PACS2: variants seen among roughly 807,000 people sequenced by gnomAD.
PACS2 encodes phosphofurin acidic cluster sorting protein 2.
A neutral mutation model predicts 113.0 loss-of-function variants in PACS2; 36 were observed. The ratio of observed to expected loss-of-function variants is 0.32; its 90% CI spans 0.24 to 0.42. The LOEUF is 0.42. Ranked by LOEUF, PACS2 falls within the 10% of genes least tolerant of loss-of-function variation. The probability of loss-of-function intolerance (pLI) is 1.00; values close to 1 mark genes in which losing one functional copy is unlikely to be tolerated. For missense variants in PACS2, 1,015 were observed against 1,239.5 expected (o/e 0.82, Z 2.72); for synonymous variants, 589 against 536.1 (o/e 1.10, Z -1.36).
chr14:105,385,190 G>T (rs117874407), intron 18 of PACS2, among the ~76,000 whole-genome samples: 1 of 152,174 alleles, frequency 6.6e-6, no homozygotes, highest in Admixed American at 6.5e-5. Context: ...CATAGTAAGC[G>T]CCATTTCCGC....
At chr14:105,336,039 A>C (rs889023954) in intron 1 of PACS2, among the ~76,000 whole-genome samples, 5 of 152,198 alleles carry the variant, frequency 3.3e-5, no homozygotes, top group Non-Finnish European at 2.9e-5. Context: ...CAGGGGCAGC[A>C]GGGCACGGAG....
intron 1 of PACS2, among the ~76,000 whole-genome samples, chr14:105,332,692 G>C (rs1295354220): frequency 6.6e-6 from 1 of 152,176 alleles, no homozygotes; most frequent in Non-Finnish European, 1.5e-5. Context: ...CCTCTCGTGG[G>C]CGGTCCAAGA....
At chr14:105,359,224 C>A (rs2060575614) in intron 4 of PACS2, among the ~76,000 whole-genome samples, 1 of 152,238 alleles carries the variant, frequency 6.6e-6, no homozygotes, top group South Asian at 2.1e-4. Flanking sequence ...CCACCTCCAG[C>A]CCCGCAGGCT....
intron 1 of PACS2, among the ~76,000 whole-genome samples, chr14:105,347,212 G>A (rs1184917136): frequency 2.7e-5 from 4 of 150,884 alleles, no homozygotes; most frequent in Non-Finnish European, 5.9e-5. Context: ...GGTCTCTGTG[G>A]TCTCCATTTT....
At chr14:105,353,743 G>T (rs587667801) in intron 3 of PACS2, among the ~76,000 whole-genome samples, 3 of 151,952 alleles carry the variant, frequency 2.0e-5, no homozygotes. Flanking sequence ...ACAGGCATGT[G>T]CCACCACGCC....
Position 105,384,897 on chromosome 14 carries a change from TTG to T in PACS2, c.1914_1915del (p.Ser639ThrfsTer35). The T allele has an allele frequency of 6.3e-7, 1 of 1,588,968 alleles. No individual in the cohort carries two copies. Among genetic ancestry groups the T allele is most frequent in the South Asian group, 1.1e-5 (1 of 87,846 alleles). On this transcript the variant is annotated frameshift_variant, in exon 18 of 25. Transcript: ENST00000447393. LOFTEE classifies it high-confidence loss of function. ...CCTGCAGTACAGGACACGCCAGACATTGTGTCACGCATCACGCAGTACATCGC... is the reference window on the plus strand; with the variant it reads ...CCTGCAGTACAGGACACGCCAGACATTGTCACGCATCACGCAGTACATCGC...
intron 4 of PACS2, among the ~76,000 whole-genome samples, chr14:105,361,063 A>G (rs1774994304): frequency 6.6e-6 from 1 of 152,196 alleles, no homozygotes; most frequent in Non-Finnish European, 1.5e-5. Context: ...CCACATGTGC[A>G]CTTCCTTCCT....
At chr14:105,382,603 G>A (rs1399030298) in intron 14 of PACS2, 22 bp downstream of exon 14, 1 of 1,435,198 alleles carries the variant, frequency 7.0e-7, no homozygotes, top group Non-Finnish European at 9.8e-7. Flanking sequence ...GTCTCTTGGA[G>A]TGGAGGGTCA....
chr14:105,352,792 T>A (rs2060247824), intron 3 of PACS2, among the ~76,000 whole-genome samples: 1 of 119,330 alleles, frequency 8.4e-6, no homozygotes, highest in African/African-American at 3.3e-5. Flanking sequence ...CCCATCACTG[T>A]TCCCTGGGGA....
chr14:105,361,220 G>T (rs587605342), intron 4 of PACS2, among the ~76,000 whole-genome samples: 1 of 152,222 alleles, frequency 6.6e-6, no homozygotes, highest in Non-Finnish European at 1.5e-5. Flanking sequence ...CAGGCCACGC[G>T]CAGTGGCTCA....
At chr14:105,302,205 T>C (rs1281131283) in intron 1 of PACS2, among the ~76,000 whole-genome samples, 1 of 134,224 alleles carries the variant, frequency 7.5e-6, no homozygotes, top group East Asian at 2.1e-4. Flanking sequence ...TTTTTCTTTC[T>C]TTTTTTTTTT....
At chr14:105,336,033 G>A (rs2059504976) in intron 1 of PACS2, among the ~76,000 whole-genome samples, 1 of 152,214 alleles carries the variant, frequency 6.6e-6, no homozygotes, top group Non-Finnish European at 1.5e-5. Context: ...TCTGCCCAGG[G>A]GCAGCAGGGC....
At chr14:105,332,664 G>A (rs1220554849) in intron 1 of PACS2, among the ~76,000 whole-genome samples, 4 of 152,174 alleles carry the variant, frequency 2.6e-5, no homozygotes, top group African/African-American at 4.8e-5. Context: ...TGGCTTCTCT[G>A]CGGGGCCTCT....
chr14:105,302,285 C>T (rs1454081833), intron 1 of PACS2, among the ~76,000 whole-genome samples: 1 of 149,296 alleles, frequency 6.7e-6, no homozygotes, highest in Non-Finnish European at 1.5e-5. Flanking sequence ...CTCACTGCAA[C>T]CTCTGCCTCC....
chr14:105,330,885 A>G lies in PACS2; in HGVS notation c.119+15848A>G, dbSNP rs986081089. ...CCCATGCAGCCTCTACCGGCATCTC[A>G]CGTGATGTCAACCTTCTGGGTCCTT... On this transcript the variant is annotated intron_variant, in intron 1 of 24. Transcript: ENST00000447393. The surrounding 1 kb of genome is among the most constrained non-coding windows in gnomAD (Gnocchi z 6.9). Among the ~76,000 whole-genome samples the G allele has an allele frequency of 6.6e-6, 1 of 151,728 alleles. No homozygotes were observed. The highest frequency in any genetic ancestry group is 1.5e-5 in the Non-Finnish European group (1 of 67,964).
chr14:105,353,157 AC>A (rs1270191041), intron 3 of PACS2, among the ~76,000 whole-genome samples: 1 of 22,394 alleles, frequency 4.5e-5, no homozygotes, highest in African/African-American at 1.8e-4. Flanking sequence ...GGAGACGGGC[AC>A]CCCCATCACT....
rs113368689 is a variant in PACS2, at chr14:105,324,242, G to A, written c.119+9205G>A. ...GGGCTGCTGCAGAGAGCGGGTCTGC[G>A]GTCAGTCACAGTGACGGGGGTCTCT... is the stretch of plus-strand genomic sequence containing the variant. On this transcript the variant is annotated intron_variant, in intron 1 of 24. Coordinates refer to ENST00000447393, the MANE Select transcript of PACS2 (RefSeq NM_001100913.3). The surrounding 1 kb of genome is among the most constrained non-coding windows in gnomAD (Gnocchi z 4.7). 2.6e-5 allele frequency among the ~76,000 whole-genome samples: 4 copies of A among 152,186 alleles called. No individual in the cohort carries two copies. The highest frequency in any genetic ancestry group is 9.7e-5 in the African/African-American group (4 of 41,446).
At chr14:105,328,398 C>T (rs1222415045) in intron 1 of PACS2, among the ~76,000 whole-genome samples, 3 of 152,182 alleles carry the variant, frequency 2.0e-5, no homozygotes, top group Non-Finnish European at 2.9e-5. Flanking sequence ...TGGGGCTCTT[C>T]GGCTCTCAGG....
At chr14:105,387,705 C>A (rs74090528) in intron 19 of PACS2, among the ~76,000 whole-genome samples, 1,666 of 152,358 alleles carry the variant, frequency 0.011, 29 homozygotes, top group Middle Eastern at 0.037. Context: ...CTCCTGCATT[C>A]GGCCCTCATC....
Sources: allele counts gnomAD v4.1 joint callset (sites outside exome capture counted in the v4.1 genomes callset), GRCh38; gene constraint gnomAD v4.1.1; non-coding constraint Gnocchi (gnomAD v3.1); transcripts MANE v1.5; gene names NCBI Gene and HGNC (gene_info 2026-07-23, HGNC 2026-07-21).